The following KMT2B variants were observed in gnomAD, a reference collection of about 807,000 sequenced individuals.
KMT2B encodes lysine methyltransferase 2B.
A neutral mutation model predicts 255.3 loss-of-function variants in KMT2B; 22 were observed. That is an observed-to-expected ratio of 0.09 (90% CI 0.06 to 0.12). The LOEUF (loss-of-function observed/expected upper bound fraction) is 0.12, where lower values mean the gene tolerates loss of function less well. Among genes scored for constraint, KMT2B ranks in the 10% least tolerant of loss-of-function variants. KMT2B has a pLI of 1.00. For synonymous variants in KMT2B, 1,730 were observed against 1,498.1 expected (o/e 1.15, Z -3.57); for missense variants, 3,149 against 3,737.0 (o/e 0.84, Z 4.10).
At position 35,723,697 on chromosome 19, in the gene KMT2B, G is replaced by A; in HGVS notation, c.3059-35G>A. 1 of 1,510,908 alleles carries A rather than the reference G, an allele frequency of 6.6e-7. No individual in the cohort carries two copies. Among genetic ancestry groups the A allele is most frequent in the Admixed American group, 2.2e-5 (1 of 45,000 alleles). The allele number at this position is 1,510,908 out of a possible 1,614,324, so 93.6% of individuals were successfully genotyped here. ...CTCCCAGTGTCCCATGTCCCTGGCT[G>A]AGCTCAAATCCTACTAAGTCCCCTG... On this transcript the variant is annotated intron_variant, in intron 7 of 36. Transcript: ENST00000420124. The surrounding 1 kb of genome is among the most constrained non-coding windows in gnomAD (Gnocchi z 7.5).
At position 35,718,306 on chromosome 19, in the gene KMT2B, TCGGGGC is replaced by T. The variant is rs776772003; in HGVS notation, c.295_300del (p.Arg99_Gly100del). ...GGGTCCAGCGGGGCCGGGGACGGGG[TCGGGGC>T]CGGGGCTGGGGCCCGAGTCGAGGCT... On this transcript the variant is annotated inframe_deletion, in exon 1 of 37. Transcript: ENST00000420124. This position sits in a 1 kb window ranked among gnomAD's most constrained non-coding sequence, Gnocchi z 5.0. 1 of 1,231,234 alleles carries T rather than the reference TCGGGGC, an allele frequency of 8.1e-7. No homozygotes were observed. The highest frequency in any genetic ancestry group is 1.0e-6 in the Non-Finnish European group (1 of 979,582). 76.3% of individuals were successfully genotyped at this position (1,231,234 alleles called of 1,614,324 possible).
At position 35,724,631 on chromosome 19, in the gene KMT2B, G is replaced by T. The variant is rs1300452150; in HGVS notation, c.3335-6G>T. On this transcript the variant is annotated splice_polypyrimidine_tract_variant and splice_region_variant and intron_variant, in intron 8 of 36. Coordinates refer to ENST00000420124, the MANE Select transcript of KMT2B (RefSeq NM_014727.3). ...GTGACCTCACTGCTCATTGTGTCCT[G>T]CCTAGAGCTGCCACTGCCAGAACCT... The T allele has an allele frequency of 3.2e-6, 5 of 1,581,686 alleles. No individual in the cohort carries two copies. The highest frequency in any genetic ancestry group is 3.4e-6 in the Non-Finnish European group (4 of 1,167,220).
Position 35,723,298 on chromosome 19 carries a change from A to G in KMT2B, c.3002+24A>G, listed in dbSNP as rs1213211711. On this transcript the variant is annotated intron_variant, in intron 6 of 36. Coordinates refer to ENST00000420124, the MANE Select transcript of KMT2B (RefSeq NM_014727.3). The surrounding 1 kb of genome is among the most constrained non-coding windows in gnomAD (Gnocchi z 7.5). ...GTGTGAGTAGCTGGGGCGTGACCTC[A>G]TTCCCGTGGTTGTTGGTCCCCTAGG... is the stretch of plus-strand genomic sequence containing the variant. The G allele has an allele frequency of 6.2e-7, 1 of 1,602,174 alleles. No individual in the cohort carries two copies. Among genetic ancestry groups the G allele is most frequent in the Non-Finnish European group, 8.5e-7 (1 of 1,171,718 alleles).
At position 35,722,313 on chromosome 19, in the gene KMT2B, A is replaced by T; in HGVS notation, c.2458-46A>T. The T allele has an allele frequency of 6.5e-7, 1 of 1,540,402 alleles. No individual in the cohort carries two copies. ...CCACCACACCCAGCTCCCTGTCCCT[A>T]TCTTTCCTCACTGTCCAGCCCCTGA... On this transcript the variant is annotated intron_variant, in intron 3 of 36. Coordinates refer to ENST00000420124, the MANE Select transcript of KMT2B (RefSeq NM_014727.3).
At chr19:35,734,905 A>G (rs960510200) in intron 30 of KMT2B, among the ~76,000 whole-genome samples, 1 of 152,212 alleles carries the variant, frequency 6.6e-6, no homozygotes, top group Non-Finnish European at 1.5e-5. Flanking sequence ...GAGAGTGCTT[A>G]ACTCAGAGGC....
Position 35,733,293 on chromosome 19 carries a change from G to T in KMT2B, c.6744G>T (p.Val2248=), listed in dbSNP as rs1599696500. Residue 2248 remains valine, a synonymous_variant, in exon 28 of 37, where the codon GTG becomes GTT. Transcript: ENST00000420124. This position sits in a 1 kb window ranked among gnomAD's most constrained non-coding sequence, Gnocchi z 4.3. The part of the protein sequence containing the change: ...PLLGVLPVVG[V]VRPAPPPPPP... Reference sequence around the variant, plus strand: ...TCGGCGTGCTGCCCGTGGTCGGAGTGGTCCGCCCTGCCCCGCCCCCGCCAC... The same window carrying T: ...TCGGCGTGCTGCCCGTGGTCGGAGTTGTCCGCCCTGCCCCGCCCCCGCCAC... The T allele has an allele frequency of 4.1e-6, 6 of 1,475,054 alleles. No homozygotes were observed. In the South Asian group the frequency reaches 6.1e-5, roughly 15 times the overall value. The allele number at this position is 1,475,054 out of a possible 1,614,324, so 91.4% of individuals were successfully genotyped here. A position where few individuals can be genotyped will look rare whatever the true frequency, so the allele number is the denominator to read the frequency against.
chr19:35,724,456 G>A (rs886855910), intron 8 of KMT2B, among the ~76,000 whole-genome samples, 181 bp from the exon 9 acceptor site: 15 of 152,152 alleles, frequency 9.9e-5, no homozygotes, highest in African/African-American at 3.6e-4. Context: ...TATGGGTCAC[G>A]CCACTGCATT....
rs1280457717 is a variant in KMT2B, at chr19:35,737,234, T to C, written c.7521T>C (p.His2507=). Residue 2507 remains histidine (H), a synonymous_variant, in exon 33 of 37, where the codon CAT becomes CAC. Coordinates refer to ENST00000420124, the MANE Select transcript of KMT2B (RefSeq NM_014727.3). This position sits in a 1 kb window ranked among gnomAD's most constrained non-coding sequence, Gnocchi z 5.3. ...AGGAGGAGCCGCCCCTGAATCCCCATGGGGCTGCTCGGGCAGAGGTCTATC... is the reference window on the plus strand; with the variant it reads ...AGGAGGAGCCGCCCCTGAATCCCCACGGGGCTGCTCGGGCAGAGGTCTATC... ...EGQEEPPLNP[H]GAARAEVYLR... The C allele has an allele frequency of 1.9e-6, 3 of 1,563,986 alleles. No individual in the cohort carries two copies. Among genetic ancestry groups the C allele is most frequent in the African/African-American group, 1.4e-5 (1 of 73,732 alleles).
chr19:35,723,318 C>T lies in KMT2B; in HGVS notation c.3002+44C>T. The T allele has an allele frequency of 2.5e-6, 4 of 1,589,436 alleles. No homozygotes were observed. Among genetic ancestry groups the T allele is most frequent in the Non-Finnish European group, 3.4e-6 (4 of 1,164,664 alleles). On this transcript the variant is annotated intron_variant, in intron 6 of 36. Coordinates refer to ENST00000420124, the MANE Select transcript of KMT2B (RefSeq NM_014727.3). The surrounding 1 kb of genome is among the most constrained non-coding windows in gnomAD (Gnocchi z 7.5). Reference sequence around the variant, plus strand: ...ACCTCATTCCCGTGGTTGTTGGTCCCCTAGGCTTCCTACCTCACTCCTCTT... The same window carrying T: ...ACCTCATTCCCGTGGTTGTTGGTCCTCTAGGCTTCCTACCTCACTCCTCTT...
chr19:35,721,133 C>G lies in KMT2B; in HGVS notation c.1786C>G (p.Leu596Val). Residue 596 changes from leucine (L) to valine (V), a missense_variant, in exon 3 of 37, where the codon CTC becomes GTC. Around this residue, in one of 18 missense-constraint regions of KMT2B, gnomAD observed 1,188 missense variants for 1,106.4 expected, o/e 1.07. Transcript: ENST00000420124. ...AACTCCTCCATCTACCCCAGTTCCA[C>G]TCCCTGAGAAGAGACGGTCCATCCT... ...APTPPSTPVP[L>V]PEKRRSILRE... 6.2e-7 allele frequency: 1 copy of G among 1,606,660 alleles called. No individual in the cohort carries two copies. Among genetic ancestry groups the G allele is most frequent in the Non-Finnish European group, 8.5e-7 (1 of 1,177,146 alleles).
At position 35,730,897 on chromosome 19, in the gene KMT2B, ATACCGCTC is replaced by A. The variant is rs763475685; in HGVS notation, c.5437+32_5437+39del. 19 of 1,560,222 alleles carry A rather than the reference ATACCGCTC, an allele frequency of 1.2e-5. No individual in the cohort carries two copies. In the East Asian group the frequency reaches 4.2e-4, roughly 34 times the overall value. ...GGCTTTGGCTCTGTCTTCTTCCTGAATACCGCTCTCCCTAAACAAACCTACAGATCTCT... is the reference window on the plus strand; with the variant it reads ...GGCTTTGGCTCTGTCTTCTTCCTGAATCCCTAAACAAACCTACAGATCTCT... On this transcript the variant is annotated intron_variant, in intron 26 of 36. Transcript: ENST00000420124.
Position 35,721,168 on chromosome 19 carries a change from C to G in KMT2B, c.1821C>G (p.Pro607=). 1 of 1,572,028 alleles carries G rather than the reference C, an allele frequency of 6.4e-7. No homozygotes were observed. The highest frequency in any genetic ancestry group is 8.6e-7 in the Non-Finnish European group (1 of 1,160,054). Residue 607 remains proline, a synonymous_variant, in exon 3 of 37, where the codon CCC becomes CCG. Transcript: ENST00000420124. ...PEKRRSILRE[P]TFRWTSLTRE... ...AGAGACGGTCCATCCTAAGGGAACCCACATTTCGCTGGACCTCACTGACCC... is the reference window on the plus strand; with the variant it reads ...AGAGACGGTCCATCCTAAGGGAACCGACATTTCGCTGGACCTCACTGACCC...
Position 35,732,836 on chromosome 19 carries a change from T to C in KMT2B, c.6287T>C (p.Leu2096Pro). 2 of 1,608,202 alleles carry C rather than the reference T, an allele frequency of 1.2e-6. No homozygotes were observed. Among genetic ancestry groups the C allele is most frequent in the Middle Eastern group, 1.7e-4 (1 of 6,056 alleles). ...SGPGVVRAGVLGAAGDRARPP... is the reference protein window; with the variant it reads ...SGPGVVRAGVPGAAGDRARPP... ...CCAGGAGTAGTCCGGGCAGGGGTCC[T>C]TGGGGCTGCAGGGGACAGGGCCCGG... is the stretch of plus-strand genomic sequence containing the variant. Residue 2096 changes from leucine (L) to proline (P), a missense_variant, in exon 28 of 37, where the codon CTT becomes CCT. Leu to Pro is a moderately conservative substitution (Grantham distance 98, BLOSUM62 -3). Coordinates refer to ENST00000420124, the MANE Select transcript of KMT2B (RefSeq NM_014727.3).
Position 35,725,073 on chromosome 19 carries a change from C to T in KMT2B, c.3514C>T (p.Arg1172Cys). The change falls in exon 10 of 37, where the codon CGT (arginine) becomes TGT (cysteine). Residue 1172 changes from arginine (R) to cysteine (C), a missense_variant. Around this residue, in one of 18 missense-constraint regions of KMT2B, gnomAD observed 42 missense variants for 121.0 expected, o/e 0.35. Transcript: ENST00000420124. This position sits in a 1 kb window ranked among gnomAD's most constrained non-coding sequence, Gnocchi z 4.1. The part of the protein sequence containing the change: ...QKSPDGVHRV[R>C]VDFKEDCDLE... The stretch of plus-strand genomic sequence containing the variant: ...GTCTCCCGATGGTGTGCACCGCGTC[C>T]GTGTGGATTTTAAGGTATGGCATTG... The T allele has an allele frequency of 6.2e-7, 1 of 1,612,768 alleles. No individual in the cohort carries two copies. The highest frequency in any genetic ancestry group is 8.5e-7 in the Non-Finnish European group (1 of 1,178,958).
chr19:35,733,965 A>G lies in KMT2B; in HGVS notation c.7159+93A>G, dbSNP rs970541689. The G allele has an allele frequency of 5.8e-6, 5 of 867,428 alleles. No individual in the cohort carries two copies. Among genetic ancestry groups the G allele is most frequent in the African/African-American group, 5.1e-5 (3 of 59,088 alleles). 53.7% of individuals were successfully genotyped at this position (867,428 alleles called of 1,614,324 possible). A position where few individuals can be genotyped will look rare whatever the true frequency, so the allele number is the denominator to read the frequency against. ...AAATCAGCCCTCTTTCAAAACCAGT[A>G]TCTACTCCCAGGGGCCAAGCCTGAG... On this transcript the variant is annotated intron_variant, in intron 30 of 36. Coordinates refer to ENST00000420124, the MANE Select transcript of KMT2B (RefSeq NM_014727.3). This position sits in a 1 kb window ranked among gnomAD's most constrained non-coding sequence, Gnocchi z 4.3.
At position 35,738,392 on chromosome 19, in the gene KMT2B, T is replaced by G. The variant is rs760988035; in HGVS notation, c.7983T>G (p.Ser2661=). The change falls in exon 37 of 37, where the codon TCT becomes TCG. Residue 2661 remains serine, a synonymous_variant. Transcript: ENST00000420124. This position sits in a 1 kb window ranked among gnomAD's most constrained non-coding sequence, Gnocchi z 8.7. The stretch of plus-strand genomic sequence containing the variant: ...ACTCCTGTGAGCCCAACTGCTTCTC[T>G]CGGGTCATCCACGTGGAGGGCCAGA... ...INHSCEPNCF[S]RVIHVEGQKH... is the part of the protein sequence containing the mutation. 1.9e-6 allele frequency: 3 copies of G among 1,614,112 alleles called. No homozygotes were observed. The South Asian group carries it at 3.3e-5, about 18-fold the overall frequency.
At position 35,720,164 on chromosome 19, in the gene KMT2B, G is replaced by C. The variant is rs539229419; in HGVS notation, c.817G>C (p.Gly273Arg). ...CAGCTGGAAATGCAAGGAGGGGCCC[G>C]GTCCAGGACCTGGGACCCCCAGGCG... ...TGSWKCKEGP[G>R]PGPGTPRRGG... is the part of the protein sequence containing the mutation. The change falls in exon 3 of 37, where the codon GGT becomes CGT. Residue 273 changes from glycine to arginine, a missense_variant. Transcript: ENST00000420124. The C allele has an allele frequency of 8.1e-6, 13 of 1,602,888 alleles. No homozygotes were observed. In the African/African-American group the frequency reaches 9.4e-5, roughly 12 times the overall value.
chr19:35,726,741 T>G (rs1181081723), intron 14 of KMT2B, among the ~76,000 whole-genome samples: 4 of 152,130 alleles, frequency 2.6e-5, no homozygotes, highest in Admixed American at 2.6e-4. Flanking sequence ...CCTAACACTT[T>G]GGAAGGCTGA....
chr19:35,726,972 A>T, intron 14 of KMT2B, among the ~76,000 whole-genome samples, 184 bp from the exon 15 acceptor site: 1 of 144,920 alleles, frequency 6.9e-6, no homozygotes, highest in Non-Finnish European at 1.5e-5. Context: ...TGACAGAGCA[A>T]GACACTGTCT....
Sources: gnomAD v4.1 joint callset for allele counts (sites outside exome capture counted in the v4.1 genomes callset) on GRCh38, gnomAD v4.1.1 for gene constraint, gnomAD v4.1.1 regional missense constraint, Gnocchi (gnomAD v3.1) non-coding constraint, MANE v1.5 for transcripts, NCBI Gene and HGNC (gene_info 2026-07-23, HGNC 2026-07-21) for gene names.